MED27: variants seen among roughly 807,000 people sequenced by gnomAD.
MED27 encodes the protein mediator of RNA polymerase II transcription subunit 27.
A neutral mutation model predicts 38.2 loss-of-function variants in MED27; 30 were observed. The observed-to-expected ratio is 0.79, with a 90% CI of 0.59 to 1.07. MED27 has a LOEUF of 1.07. MED27 is among the 50% of genes least tolerant of loss of function. MED27 has a pLI of 0.00. For synonymous variants in MED27, 122 were observed against 153.5 expected (o/e 0.79, Z 1.52); for missense variants, 289 against 397.5 (o/e 0.73, Z 2.32).
At position 131,861,349 on chromosome 9, in the gene MED27, G is replaced by GA. The variant is rs1391644680; in HGVS notation, c.802-678dup. On this transcript the variant is annotated intron_variant, in intron 7 of 7. Coordinates refer to ENST00000292035, the MANE Select transcript of MED27 (RefSeq NM_004269.4). The surrounding 1 kb of genome is among the most constrained non-coding windows in gnomAD (Gnocchi z 4.4). ...AAACACAAGGAGATTCACTACCAAA[G>GA]AAAAAAATACCCAAACGTAAAACAG... Among the ~76,000 whole-genome samples the GA allele has an allele frequency of 1.3e-5, 2 of 152,034 alleles. No individual in the cohort carries two copies. The highest frequency in any genetic ancestry group is 1.9e-4 in the East Asian group (1 of 5,202).
At chr9:131,906,346 GA>G (rs1420089999) in intron 4 of MED27, among the ~76,000 whole-genome samples, 1 of 152,230 alleles carries the variant, frequency 6.6e-6, no homozygotes, top group Non-Finnish European at 1.5e-5. Context: ...AAGTTTGATT[GA>G]AACCTACTGG....
At chr9:131,947,870 T>C (rs1830914024) in intron 3 of MED27, among the ~76,000 whole-genome samples, 1 of 152,190 alleles carries the variant, frequency 6.6e-6, no homozygotes, top group Admixed American at 6.5e-5. Context: ...GACCACCTTT[T>C]GGGGAAAAGG....
intron 2 of MED27, among the ~76,000 whole-genome samples, chr9:132,053,236 G>C (rs1289644020): frequency 6.8e-6 from 1 of 147,760 alleles, no homozygotes; most frequent in Non-Finnish European, 1.5e-5. Context: ...CTGGGCGACA[G>C]AGCGAGACTC....
rs1009749805 is a variant in MED27 at position 132,071,385 on chromosome 9, C to T, written c.348+6057G>A. On this transcript the variant is annotated intron_variant, in intron 2 of 7. Coordinates refer to ENST00000292035, the MANE Select transcript of MED27 (RefSeq NM_004269.4). Reference sequence around the variant, plus strand: ...TGCACCCCATAAATGAGCACACACACGAGTAACGCACACCCCATGAACGAG... The same window carrying T: ...TGCACCCCATAAATGAGCACACACATGAGTAACGCACACCCCATGAACGAG... 5.3e-5 allele frequency among the ~76,000 whole-genome samples: 8 copies of T among 151,788 alleles called. No individual in the cohort carries two copies. In the East Asian group the frequency reaches 7.7e-4, roughly 15 times the overall value.
chr9:131,914,144 T>C (rs537392102), intron 4 of MED27, among the ~76,000 whole-genome samples: 1 of 152,334 alleles, frequency 6.6e-6, no homozygotes, highest in Admixed American at 6.5e-5. Context: ...TTTTATCTTT[T>C]GTGACTGGCA....
rs369467623 is a variant in MED27 at position 132,007,386 on chromosome 9, C to T, written c.479+6951G>A. On this transcript the variant is annotated intron_variant, in intron 3 of 7. Coordinates refer to ENST00000292035, the MANE Select transcript of MED27 (RefSeq NM_004269.4). ...TATTCAGCAATAAAATGGAACCAAC[C>T]GCTGATACATGCAACATAAAGGAAT... 2.6e-3 allele frequency among the ~76,000 whole-genome samples: 394 copies of T among 152,236 alleles called. 1 individual carries two copies. Among genetic ancestry groups the T allele is most frequent in the African/African-American group, 9.2e-3 (380 of 41,530 alleles).
At chr9:131,903,890 G>A (rs1327439775) in intron 4 of MED27, among the ~76,000 whole-genome samples, 3 of 72,540 alleles carry the variant, frequency 4.1e-5, no homozygotes, top group African/African-American at 6.2e-5. Context: ...ACCACACACA[G>A]CTTTTTTTTT....
intron 4 of MED27, among the ~76,000 whole-genome samples, chr9:131,924,230 C>T (rs1422662284): frequency 6.6e-6 from 1 of 152,172 alleles, no homozygotes; most frequent in Non-Finnish European, 1.5e-5. Flanking sequence ...CAGCCTTTAC[C>T]AACAGAACCT....
chr9:131,951,657 GT>G (rs1256296593), intron 3 of MED27, among the ~76,000 whole-genome samples: 1 of 152,248 alleles, frequency 6.6e-6, no homozygotes, highest in Non-Finnish European at 1.5e-5. Flanking sequence ...ATTATGAGAA[GT>G]AAAGGAGTGA....
chr9:131,888,441 G>A (rs553220864), intron 5 of MED27, among the ~76,000 whole-genome samples: 17 of 152,170 alleles, frequency 1.1e-4, no homozygotes, highest in South Asian at 2.1e-4. Flanking sequence ...GGGGCTGCGC[G>A]CTCCCTAAGC....
At chr9:132,024,856 G>GA (rs1202783305) in intron 2 of MED27, among the ~76,000 whole-genome samples, 2 of 152,354 alleles carry the variant, frequency 1.3e-5, no homozygotes, top group Admixed American at 1.3e-4. Flanking sequence ...TGCCCAGAAA[G>GA]TTGGCTCAAG....
intron 6 of MED27, among the ~76,000 whole-genome samples, chr9:131,867,010 C>G (rs1441451340): frequency 6.6e-6 from 1 of 152,242 alleles, no homozygotes; most frequent in South Asian, 2.1e-4. Context: ...CCAGGCTCCC[C>G]CGATGGGGCT....
chr9:131,978,110 T>C (rs906407111), intron 3 of MED27, among the ~76,000 whole-genome samples: 9 of 152,162 alleles, frequency 5.9e-5, no homozygotes, highest in Non-Finnish European at 1.5e-5. Flanking sequence ...CAAACATGAC[T>C]CTGATCAAGC....
chr9:131,900,040 G>A (rs944811977), intron 4 of MED27, among the ~76,000 whole-genome samples: 2 of 152,228 alleles, frequency 1.3e-5, no homozygotes, highest in African/African-American at 4.8e-5. Flanking sequence ...CTGTTGCCAA[G>A]GTAACACTTT....
At chr9:131,882,125 T>C (rs1228399246) in intron 6 of MED27, among the ~76,000 whole-genome samples, 1 of 152,300 alleles carries the variant, frequency 6.6e-6, no homozygotes, top group East Asian at 1.9e-4. Flanking sequence ...GATCAGATCA[T>C]GAATCTGTAA....
At chr9:131,873,793 TGA>T in intron 6 of MED27, among the ~76,000 whole-genome samples, 1 of 152,208 alleles carries the variant, frequency 6.6e-6, no homozygotes, top group East Asian at 1.9e-4. Context: ...GCTCTGTGTC[TGA>T]GAGGGGCGAG....
chr9:132,056,638 T>G (rs1833583960), intron 2 of MED27, among the ~76,000 whole-genome samples: 1 of 152,204 alleles, frequency 6.6e-6, no homozygotes. Context: ...AAAAGGGATG[T>G]TCAACCTGTA....
chr9:132,017,589 G>A (rs1215662750), intron 2 of MED27, among the ~76,000 whole-genome samples: 1 of 152,166 alleles, frequency 6.6e-6, no homozygotes, highest in Non-Finnish European at 1.5e-5. Flanking sequence ...TATCTTACAA[G>A]TGCGGGGAAT....
intron 3 of MED27, among the ~76,000 whole-genome samples, chr9:131,984,515 AAACAC>A (rs559765358): frequency 6.1e-4 from 93 of 152,268 alleles, no homozygotes; most frequent in African/African-American, 2.2e-3. Context: ...TAACAAAACA[AAACAC>A]AACATAATAC....
Sources: gnomAD v4.1 joint callset for allele counts (sites outside exome capture counted in the v4.1 genomes callset) on GRCh38, gnomAD v4.1.1 for gene constraint, Gnocchi (gnomAD v3.1) non-coding constraint, MANE v1.5 for transcripts, NCBI Gene and HGNC (gene_info 2026-07-23, HGNC 2026-07-21) for gene names.